The following CNTLN variants were observed in gnomAD, a reference collection of about 807,000 sequenced individuals.
CNTLN encodes centlein, centrosomal protein.
Under a neutral mutation model 180.0 loss-of-function variants are expected in CNTLN, and 212 were observed. That is an observed-to-expected ratio of 1.18 (90% CI 1.05 to 1.32). The LOEUF is 1.32. CNTLN is among the 40% of genes most tolerant of loss of function. The pLI is 0.00. For synonymous variants in CNTLN, 722 were observed against 563.1 expected (o/e 1.28, Z -3.99); for missense variants, 2,095 against 1,610.9 (o/e 1.30, Z -5.14).
At chr9:17,520,206 T>C in the CNTLN span, among the ~76,000 whole-genome samples, 1 of 152,252 alleles carries the variant, frequency 6.6e-6, no homozygotes, top group African/African-American at 2.4e-5. Context: ...GTGTTTTCTT[T>C]GTCTGATCTT....
intron 8 of CNTLN, among the ~76,000 whole-genome samples, chr9:17,316,355 A>G (rs993301063): frequency 1.3e-5 from 2 of 152,076 alleles, no homozygotes; most frequent in Non-Finnish European, 2.9e-5. Context: ...TGTAGACACC[A>G]TATAGTTGAA....
At chr9:17,493,460 A>T (rs144954235) in intron 25 of CNTLN, among the ~76,000 whole-genome samples, 7 of 152,220 alleles carry the variant, frequency 4.6e-5, no homozygotes, top group African/African-American at 1.7e-4. Flanking sequence ...TACCTCCTAT[A>T]CCGTGCTAAG....
intron 12 of CNTLN, among the ~76,000 whole-genome samples, chr9:17,360,077 A>G (rs1008124827): frequency 2.0e-5 from 3 of 152,154 alleles, no homozygotes; most frequent in African/African-American, 7.2e-5. Context: ...ATGTTGCAAT[A>G]TAGATATCCA....
Position 17,368,760 on chromosome 9 carries a change from A to C in CNTLN, c.1987+2043A>C, listed in dbSNP as rs560545306. Among the ~76,000 whole-genome samples, 19 of 152,296 alleles carry C rather than the reference A, an allele frequency of 1.2e-4. No homozygotes were observed. In the East Asian group the frequency reaches 3.5e-3, roughly 28 times the overall value. ...CCAAGACTGCCCAGGCAGTAGTTCT[A>C]GAAGTCGGCAAGAACCCCAGTCTTA... On this transcript the variant is annotated intron_variant, in intron 13 of 25. Transcript: ENST00000380647.
intron 18 of CNTLN, among the ~76,000 whole-genome samples, chr9:17,417,615 A>C (rs1435354914): frequency 6.6e-6 from 1 of 152,084 alleles, no homozygotes; most frequent in African/African-American, 2.4e-5. Context: ...GAGTTGTTAC[A>C]AAAATTATTT....
chr9:17,449,014 A>C (rs2134099511), intron 18 of CNTLN, among the ~76,000 whole-genome samples: 1 of 152,308 alleles, frequency 6.6e-6, no homozygotes, highest in East Asian at 1.9e-4. Flanking sequence ...AAGGAGTCAG[A>C]ATGGGTATGC....
chr9:17,491,217 C>T (rs554850728), intron 25 of CNTLN, among the ~76,000 whole-genome samples: 4 of 151,986 alleles, frequency 2.6e-5, no homozygotes, highest in East Asian at 1.9e-4. Flanking sequence ...AGCCTGTGCT[C>T]GGGAATCATT....
the CNTLN span, among the ~76,000 whole-genome samples, chr9:17,511,155 C>A: frequency 2.6e-5 from 4 of 152,032 alleles, no homozygotes; most frequent in African/African-American, 9.7e-5. Flanking sequence ...TTTTGTTTTT[C>A]TGTCTCCAAA....
intron 5 of CNTLN, among the ~76,000 whole-genome samples, chr9:17,269,149 C>A (rs1827747779): frequency 6.6e-6 from 1 of 152,140 alleles, no homozygotes; most frequent in Admixed American, 6.5e-5. Context: ...GAACTGTAGA[C>A]CGGAGCTGTT....
intron 8 of CNTLN, among the ~76,000 whole-genome samples, chr9:17,321,236 T>C (rs1275202358): frequency 1.3e-5 from 2 of 152,250 alleles, no homozygotes; most frequent in Non-Finnish European, 2.9e-5. Flanking sequence ...ACTTTGTTAA[T>C]ACTTTCTAGA....
intron 9 of CNTLN, among the ~76,000 whole-genome samples, 156 bp downstream of exon 9, chr9:17,330,964 G>C (rs1351059948): frequency 1.3e-5 from 2 of 151,896 alleles, no homozygotes; most frequent in African/African-American, 4.8e-5. Context: ...ATAAGTTTTA[G>C]GAGTAAGGAG....
At chr9:17,520,889 A>C in the CNTLN span, among the ~76,000 whole-genome samples, 1 of 152,304 alleles carries the variant, frequency 6.6e-6, no homozygotes, top group South Asian at 2.1e-4. Context: ...CAATGGCAAT[A>C]TTTTGAGTAG....
the CNTLN span, among the ~76,000 whole-genome samples, chr9:17,526,847 T>C: frequency 1.3e-5 from 2 of 150,828 alleles, no homozygotes; most frequent in African/African-American, 5.0e-5. Flanking sequence ...TCACCTAATC[T>C]CTCTTTTTTT....
intron 2 of CNTLN, among the ~76,000 whole-genome samples, chr9:17,153,665 G>A (rs1231262935): frequency 6.6e-6 from 1 of 152,052 alleles, no homozygotes; most frequent in African/African-American, 2.4e-5. Context: ...TATCTTTGTG[G>A]CATTCTCTCT....
chr9:17,509,016 A>T, the CNTLN span, among the ~76,000 whole-genome samples: 1 of 152,326 alleles, frequency 6.6e-6, no homozygotes, highest in South Asian at 2.1e-4. Flanking sequence ...TTAATAATCA[A>T]ATTGATAGGA....
downstream of CNTLN, chr9:17,504,003 G>A (rs956458620): frequency 2.0e-5 from 3 of 152,476 alleles, no homozygotes; most frequent in African/African-American, 7.2e-5. Context: ...TAATGGAAGA[G>A]ACTGTGCTTC....
At chr9:17,356,128 T>C (rs535246595) in intron 12 of CNTLN, among the ~76,000 whole-genome samples, 1 of 151,392 alleles carries the variant, frequency 6.6e-6, no homozygotes, top group Admixed American at 6.6e-5. Flanking sequence ...ATATCATAAG[T>C]CAAGAGCAAA....
intron 5 of CNTLN, among the ~76,000 whole-genome samples, chr9:17,247,030 C>G (rs1041194244): frequency 2.0e-5 from 3 of 152,130 alleles, no homozygotes; most frequent in African/African-American, 7.2e-5. Context: ...CCTCTTAATT[C>G]TCTACTCTCC....
chr9:17,144,827 AT>A (rs910071207), intron 2 of CNTLN, among the ~76,000 whole-genome samples: 3 of 148,114 alleles, frequency 2.0e-5, no homozygotes, highest in African/African-American at 4.9e-5. Flanking sequence ...ATTTTATTTT[AT>A]TTTTTTTATT....
Sources: gnomAD v4.1 joint callset for allele counts (sites outside exome capture counted in the v4.1 genomes callset) on GRCh38, gnomAD v4.1.1 for gene constraint, MANE v1.5 for transcripts, NCBI Gene and HGNC (gene_info 2026-07-23, HGNC 2026-07-21) for gene names.